The following AGMO variants were observed in gnomAD, a reference collection of about 807,000 sequenced individuals.
AGMO encodes alkylglycerol monooxygenase, also known as glyceryl-ether monooxygenase.
In AGMO, 75 loss-of-function variants were observed where a neutral mutation model predicts 60.2. The observed-to-expected ratio is 1.25, with a 90% CI of 1.03 to 1.51. The LOEUF is 1.51. Among genes scored for constraint, AGMO ranks in the 40% most tolerant of loss-of-function variants. The probability of loss-of-function intolerance (pLI) is 0.00; values close to 1 mark genes in which losing one functional copy is unlikely to be tolerated. For synonymous variants in AGMO, 261 were observed against 177.1 expected (o/e 1.47, Z -3.76); for missense variants, 763 against 525.5 (o/e 1.45, Z -4.42).
the AGMO span, among the ~76,000 whole-genome samples, chr7:15,184,014 T>A: frequency 6.6e-6 from 1 of 152,186 alleles, no homozygotes; most frequent in Non-Finnish European, 1.5e-5. Context: ...TAATAAATTG[T>A]TAAAAACAAT....
At chr7:15,508,908 C>A (rs937834028) in intron 3 of AGMO, among the ~76,000 whole-genome samples, 1 of 152,076 alleles carries the variant, frequency 6.6e-6, no homozygotes, top group African/African-American at 2.4e-5. Flanking sequence ...ATGCTTTCTA[C>A]ATAATTTAGT....
At chr7:15,440,325 T>A (rs1336810190) in intron 3 of AGMO, among the ~76,000 whole-genome samples, 1 of 152,012 alleles carries the variant, frequency 6.6e-6, no homozygotes, top group East Asian at 1.9e-4. Context: ...TACCACTCAA[T>A]CATAGGAGAG....
intron 12 of AGMO, among the ~76,000 whole-genome samples, chr7:15,229,713 T>TACACA (rs1782198494): frequency 1.6e-5 from 2 of 124,654 alleles, no homozygotes; most frequent in East Asian, 3.9e-4. Context: ...TATATATATA[T>TACACA]TATATTATAT....
Position 15,253,634 on chromosome 7 carries a change from T to A in AGMO, c.1264-52275A>T, listed in dbSNP as rs1583331417. 2.0e-5 allele frequency among the ~76,000 whole-genome samples: 3 copies of A among 152,306 alleles called. No homozygotes were observed. In the East Asian group the frequency reaches 5.8e-4, roughly 29 times the overall value. On this transcript the variant is annotated intron_variant, in intron 12 of 12. Transcript: ENST00000342526. ...GTTGTTTCCATATGTCTACATGGTA[T>A]AAAGATCAAGTCATAATAATTAGTA...
At chr7:15,530,480 A>G (rs1462849268) in intron 3 of AGMO, among the ~76,000 whole-genome samples, 15 of 101,376 alleles carry the variant, frequency 1.5e-4, no homozygotes, top group Non-Finnish European at 2.8e-4. Flanking sequence ...CTATATACGT[A>G]TTTCTATATA....
chr7:15,282,054 TA>T (rs1563068544), intron 12 of AGMO, among the ~76,000 whole-genome samples: 1 of 151,792 alleles, frequency 6.6e-6, no homozygotes, highest in Non-Finnish European at 1.5e-5. Context: ...CAAGGAAAAA[TA>T]AAGAAATTTT....
At chr7:15,171,036 C>T in the AGMO span, among the ~76,000 whole-genome samples, 145 of 152,174 alleles carry the variant, frequency 9.5e-4, 1 homozygote, top group South Asian at 0.022. Context: ...AGTGCAGTGG[C>T]GTGATCTCAG....
chr7:15,396,742 T>C (rs934834850), intron 5 of AGMO: 8 of 151,696 alleles, frequency 5.3e-5, no homozygotes, highest in Non-Finnish European at 7.3e-5. Flanking sequence ...AGAGAGCTGA[T>C]TGGTCCATTT....
chr7:15,374,356 T>TG (rs1257255021), intron 10 of AGMO, among the ~76,000 whole-genome samples: 8 of 152,132 alleles, frequency 5.3e-5, no homozygotes, highest in Admixed American at 3.9e-4. Context: ...ATATCAAAGG[T>TG]GAAAATATAT....
chr7:15,396,527 G>GAACAAA (rs1784393451), intron 5 of AGMO: 4 of 152,176 alleles, frequency 2.6e-5, no homozygotes, highest in Admixed American at 1.3e-4. Context: ...ACATTGCAAA[G>GAACAAA]AGCAAAAGAA....
chr7:15,213,707 T>C (rs1416042144), intron 12 of AGMO, among the ~76,000 whole-genome samples: 2 of 151,958 alleles, frequency 1.3e-5, no homozygotes, highest in African/African-American at 2.4e-5. Context: ...GGAGATAAGC[T>C]AGCTTCCTGG....
At chr7:15,245,782 A>G (rs1253608695) in intron 12 of AGMO, among the ~76,000 whole-genome samples, 1 of 152,174 alleles carries the variant, frequency 6.6e-6, no homozygotes, top group Non-Finnish European at 1.5e-5. Flanking sequence ...CAATCCAGAA[A>G]TAGCACAAAT....
At chr7:15,556,105 C>T (rs1030611916) in intron 2 of AGMO, among the ~76,000 whole-genome samples, 1 of 151,814 alleles carries the variant, frequency 6.6e-6, no homozygotes, top group African/African-American at 2.4e-5. Context: ...CAACATTTAG[C>T]CTCTCGTGCC....
chr7:15,411,608 AT>A (rs975365926), intron 5 of AGMO, among the ~76,000 whole-genome samples: 4 of 152,084 alleles, frequency 2.6e-5, no homozygotes, highest in African/African-American at 9.7e-5. Context: ...ATTAAAAAAA[AT>A]CTCCCAGGCA....
Position 15,406,589 on chromosome 7 carries a change from C to CACAT in AGMO, c.609+11968_609+11969insATGT, listed in dbSNP as rs1463747585. Among the ~76,000 whole-genome samples the CACAT allele has an allele frequency of 1.8e-5, 2 of 111,742 alleles. 1 individual carries two copies. The highest frequency in any genetic ancestry group is 5.8e-4 in the South Asian group (2 of 3,426). 73.3% of individuals were successfully genotyped at this position (111,742 alleles called of 152,430 possible). On this transcript the variant is annotated intron_variant, in intron 5 of 12. Coordinates refer to ENST00000342526, the MANE Select transcript of AGMO (RefSeq NM_001004320.2). ...ACACACACACACACACACACACACA[C>CACAT]GTATATTCCATATAAGTACACATGT... is the stretch of plus-strand genomic sequence containing the variant.
chr7:15,306,874 A>G (rs560879013), intron 12 of AGMO, among the ~76,000 whole-genome samples: 7 of 152,132 alleles, frequency 4.6e-5, no homozygotes, highest in Non-Finnish European at 1.0e-4. Context: ...AGTTATAATC[A>G]TAACAGAGGT....
At chr7:15,203,868 G>A (rs1273456867) in intron 12 of AGMO, among the ~76,000 whole-genome samples, 1 of 152,114 alleles carries the variant, frequency 6.6e-6, no homozygotes, top group Non-Finnish European at 1.5e-5. Context: ...AACATCCATA[G>A]TGAATTCATT....
At chr7:15,191,043 T>C in the AGMO span, among the ~76,000 whole-genome samples, 1 of 152,280 alleles carries the variant, frequency 6.6e-6, no homozygotes, top group East Asian at 1.9e-4. Flanking sequence ...ACTCAATTAA[T>C]GGATTACTTA....
At chr7:15,277,441 T>C (rs1054499319) in intron 12 of AGMO, among the ~76,000 whole-genome samples, 1 of 152,198 alleles carries the variant, frequency 6.6e-6, no homozygotes, top group African/African-American at 2.4e-5. Flanking sequence ...GACATTCAGA[T>C]TTCTCATAGT....
Sources: gnomAD v4.1 joint callset for allele counts (sites outside exome capture counted in the v4.1 genomes callset) on GRCh38, gnomAD v4.1.1 for gene constraint, MANE v1.5 for transcripts, NCBI Gene and HGNC (gene_info 2026-07-23, HGNC 2026-07-21) for gene names.